The following PDE10A variants were observed in gnomAD, a reference collection of about 807,000 sequenced individuals.
PDE10A encodes cAMP and cAMP-inhibited cGMP 3',5'-cyclic phosphodiesterase 10A.
In PDE10A, 39 loss-of-function variants were observed where a neutral mutation model predicts 97.7. That is an observed-to-expected ratio of 0.40 (90% CI 0.31 to 0.52). PDE10A has a LOEUF of 0.52. Ranked by LOEUF, PDE10A falls within the 20% of genes least tolerant of loss-of-function variation. The pLI is 0.56. For missense variants in PDE10A, 731 were observed against 1,047.8 expected, an observed-to-expected ratio of 0.70 and a Z score of 4.17; for synonymous variants, 371 against 376.8, an observed-to-expected ratio of 0.98 and a Z score of 0.18.
At chr6:165,852,876 C>A (rs1161063628) in intron 1 of PDE10A, among the ~76,000 whole-genome samples, 1 of 152,238 alleles carries the variant, frequency 6.6e-6, no homozygotes, top group African/African-American at 2.4e-5. Context: ...TTCTGAGACA[C>A]AGGTGTGCAG....
rs1309174737 is a variant in PDE10A, at chr6:165,958,555, AAGAAAGAAAGAC to A, written c.-615+28962_-615+28973del. The stretch of plus-strand genomic sequence containing the variant: ...AAAGAAAGAAAGAAAGAAAGAAAGA[AAGAAAGAAAGAC>A]AGACAGAAAGAAAGACAGAAAGAGA... On this transcript the variant is annotated intron_variant, in intron 1 of 19. Coordinates refer to the PDE10A transcript ENST00000366882. Among the ~76,000 whole-genome samples, 153 of 52,048 alleles carry A rather than the reference AAGAAAGAAAGAC, an allele frequency of 2.9e-3. 3 individuals are homozygous for A. Among genetic ancestry groups the A allele is most frequent in the African/African-American group, 0.01 (143 of 14,208 alleles). 34.1% of individuals were successfully genotyped at this position (52,048 alleles called of 152,430 possible). A position where few individuals can be genotyped will look rare whatever the true frequency, so the allele number is the denominator to read the frequency against.
At chr6:165,843,747 G>A (rs1223624230) in intron 1 of PDE10A, among the ~76,000 whole-genome samples, 2 of 152,212 alleles carry the variant, frequency 1.3e-5, no homozygotes, top group Admixed American at 6.5e-5. Context: ...GGGAATGTTG[G>A]CGCGACAGGT....
chr6:165,864,200 C>T (rs1270647712), intron 1 of PDE10A, among the ~76,000 whole-genome samples: 1 of 152,136 alleles, frequency 6.6e-6, no homozygotes, highest in Non-Finnish European at 1.5e-5. Context: ...CTAATATTGT[C>T]ACCACCTGCT....
rs1194419384 is a variant in PDE10A at position 165,857,726 on chromosome 6, TGTGTGTGTGTGA to T, written c.-615+129791_-615+129802del. On this transcript the variant is annotated intron_variant, in intron 1 of 19. Coordinates refer to the PDE10A transcript ENST00000366882. ...GTGTGTGTGTGTGTGTGTGTGTGTG[TGTGTGTGTGTGA>T]AGAATGATTGTGCTCTTTGGGGCAA... Among the ~76,000 whole-genome samples the T allele has an allele frequency of 3.7e-4, 44 of 119,928 alleles. No individual in the cohort carries two copies. In the South Asian group the frequency reaches 5.8e-3, roughly 16 times the overall value. The allele number at this position is 119,928 out of a possible 152,430, so 78.7% of individuals were successfully genotyped here.
chr6:165,653,044 T>A (rs1562661094), intron 1 of PDE10A, among the ~76,000 whole-genome samples: 1 of 152,206 alleles, frequency 6.6e-6, no homozygotes, highest in Non-Finnish European at 1.5e-5. Context: ...ACTAGTGTAT[T>A]TGGATTACAT....
At chr6:165,472,979 T>G (rs1190873825) in intron 3 of PDE10A, among the ~76,000 whole-genome samples, 1 of 152,198 alleles carries the variant, frequency 6.6e-6, no homozygotes, top group Non-Finnish European at 1.5e-5. Context: ...TAACCCTGGA[T>G]CCTAGCATTG....
chr6:165,982,212 G>A (rs918624812), intron 1 of PDE10A, among the ~76,000 whole-genome samples: 9 of 152,178 alleles, frequency 5.9e-5, no homozygotes, highest in East Asian at 5.8e-4. Flanking sequence ...GAAGGAACGC[G>A]TGAGTCGGTC....
chr6:165,352,755 A>T (rs1380271588), intron 18 of PDE10A, among the ~76,000 whole-genome samples: 1 of 152,328 alleles, frequency 6.6e-6, no homozygotes, highest in South Asian at 2.1e-4. Context: ...TAACACAGAT[A>T]TATAACATAG....
At chr6:165,791,271 GTT>G (rs1778642245) in intron 1 of PDE10A, among the ~76,000 whole-genome samples, 1 of 151,972 alleles carries the variant, frequency 6.6e-6, no homozygotes, top group South Asian at 2.1e-4. Flanking sequence ...GAATCTGACT[GTT>G]TTAGATTTAT....
intron 1 of PDE10A, among the ~76,000 whole-genome samples, chr6:165,639,957 C>A (rs558735130): frequency 6.6e-6 from 1 of 151,480 alleles, no homozygotes; most frequent in Non-Finnish European, 1.5e-5. Flanking sequence ...GTGGTCCCGA[C>A]GACTCAGGAG....
chr6:165,706,266 A>G (rs1053646196), intron 1 of PDE10A, among the ~76,000 whole-genome samples: 1 of 152,062 alleles, frequency 6.6e-6, no homozygotes, highest in Non-Finnish European at 1.5e-5. Flanking sequence ...ATGTCCTTCA[A>G]GATAATGATT....
chr6:165,779,585 G>A, intron 1 of PDE10A, among the ~76,000 whole-genome samples: 1 of 152,250 alleles, frequency 6.6e-6, no homozygotes, highest in South Asian at 2.1e-4. Context: ...AATGTTACTT[G>A]CTTTTAAAAT....
intron 1 of PDE10A, among the ~76,000 whole-genome samples, chr6:165,601,002 C>T (rs997821309): frequency 1.3e-5 from 2 of 152,214 alleles, no homozygotes; most frequent in African/African-American, 4.8e-5. Flanking sequence ...CGTCCCCACC[C>T]AAATCTCAAC....
chr6:165,678,245 G>A, intron 1 of PDE10A, among the ~76,000 whole-genome samples: 1 of 5,754 alleles, frequency 1.7e-4, no homozygotes, highest in Non-Finnish European at 3.8e-4. Context: ...GTGTGTATCT[G>A]TGAATGTGTA....
rs188266717 is a variant in PDE10A at position 165,377,276 on chromosome 6, C to T, written c.2783+1918G>A. On this transcript the variant is annotated intron_variant, in intron 18 of 21. Coordinates refer to ENST00000539869, the MANE Select transcript of PDE10A (RefSeq NM_001385079.1). ...CTGTATGCACACACGCACACACACA[C>T]CCCTACCTTTGAAAAATCATAGAAA... Among the ~76,000 whole-genome samples, 34 of 152,132 alleles carry T rather than the reference C, an allele frequency of 2.2e-4. 1 individual carries two copies. Among genetic ancestry groups the T allele is most frequent in the Admixed American group, 2.1e-3 (32 of 15,280 alleles).
At chr6:165,790,228 T>C (rs979116269) in intron 1 of PDE10A, among the ~76,000 whole-genome samples, 1 of 152,248 alleles carries the variant, frequency 6.6e-6, no homozygotes, top group Admixed American at 6.5e-5. Context: ...ATTCATCCAA[T>C]GCTGGAAGCA....
chr6:165,656,818 C>A (rs970215844), intron 1 of PDE10A, among the ~76,000 whole-genome samples: 1 of 152,196 alleles, frequency 6.6e-6, no homozygotes, highest in Non-Finnish European at 1.5e-5. Context: ...GTCTGCAGAG[C>A]GCCCTACAGC....
intron 1 of PDE10A, among the ~76,000 whole-genome samples, chr6:165,811,136 T>C (rs1038440717): frequency 6.6e-6 from 1 of 152,106 alleles, no homozygotes; most frequent in African/African-American, 2.4e-5. Context: ...GGCAGGAGAA[T>C]TGCTTGAACC....
intron 18 of PDE10A, among the ~76,000 whole-genome samples, chr6:165,368,655 C>A (rs1783992205): frequency 6.6e-6 from 1 of 152,102 alleles, no homozygotes; most frequent in Non-Finnish European, 1.5e-5. Flanking sequence ...TGCAAATAGA[C>A]TAAACAGTAC....
Sources: allele counts gnomAD v4.1 joint callset (sites outside exome capture counted in the v4.1 genomes callset), GRCh38; gene constraint gnomAD v4.1.1; transcripts MANE v1.5; gene names NCBI Gene and HGNC (gene_info 2026-07-23, HGNC 2026-07-21).